The following C9orf85 variants were observed in gnomAD, a reference collection of about 807,000 sequenced individuals.
C9orf85 encodes the protein uncharacterized protein C9orf85.
Under a neutral mutation model 14.9 loss-of-function variants are expected in C9orf85, and 16 were observed. The ratio of observed to expected loss-of-function variants is 1.08; its 90% CI spans 0.73 to 1.63. The LOEUF is 1.63. Among genes scored for constraint, C9orf85 ranks in the 40% most tolerant of loss-of-function variants. The pLI, the probability that C9orf85 is intolerant of heterozygous loss-of-function variation, is 0.00. For missense variants in C9orf85, 172 were observed against 186.1 expected, an observed-to-expected ratio of 0.92 and a Z score of 0.44; for synonymous variants, 45 against 56.8, an observed-to-expected ratio of 0.79 and a Z score of 0.93.
At chr9:71,957,256 A>G (rs1435332399) in intron 2 of C9orf85, among the ~76,000 whole-genome samples, 1 of 152,222 alleles carries the variant, frequency 6.6e-6, no homozygotes, top group Non-Finnish European at 1.5e-5. Context: ...AGGGTATCAG[A>G]CTAAGTGGAA....
intron 2 of C9orf85, among the ~76,000 whole-genome samples, chr9:71,950,364 C>A (rs1487352559): frequency 6.3e-5 from 3 of 47,548 alleles, no homozygotes; most frequent in Admixed American, 3.0e-4. Flanking sequence ...ACTGGATATA[C>A]CTTTTGTCTT....
At chr9:71,969,844 TA>T (rs1428036301) in intron 2 of C9orf85, among the ~76,000 whole-genome samples, 2 of 152,184 alleles carry the variant, frequency 1.3e-5, no homozygotes, top group African/African-American at 4.8e-5. Flanking sequence ...AGAAGTGTTT[TA>T]TTTTCTAAAT....
intron 1 of C9orf85, among the ~76,000 whole-genome samples, chr9:71,935,628 G>T (rs546696001): frequency 7.2e-6 from 1 of 138,592 alleles, no homozygotes; most frequent in Non-Finnish European, 1.6e-5. Context: ...CCTGCCCCCC[G>T]ACCCAAAAAA....
At chr9:71,975,058 A>T (rs888729711), downstream of C9orf85, among the ~76,000 whole-genome samples, 1 of 152,266 alleles carries the variant, frequency 6.6e-6, no homozygotes, top group Non-Finnish European at 1.5e-5. Flanking sequence ...GCAGACATAG[A>T]TAACATTTCA....
chr9:71,932,551 C>A (rs1267684592), intron 1 of C9orf85, among the ~76,000 whole-genome samples: 1 of 152,180 alleles, frequency 6.6e-6, no homozygotes, highest in East Asian at 1.9e-4. Context: ...CTGTACTAAT[C>A]ATTTTCTGTG....
chr9:71,946,321 C>T (rs1386149692), intron 1 of C9orf85, among the ~76,000 whole-genome samples: 1 of 152,182 alleles, frequency 6.6e-6, no homozygotes, highest in African/African-American at 2.4e-5. Flanking sequence ...TTAATTCCAA[C>T]TCACGGGGAG....
downstream of C9orf85, among the ~76,000 whole-genome samples, chr9:71,977,801 C>T (rs954257714): frequency 6.6e-6 from 1 of 152,240 alleles, no homozygotes; most frequent in African/African-American, 2.4e-5. Context: ...TGTTACAGGA[C>T]CACTTTCCAC....
chr9:71,917,010 G>A (rs1235007638), intron 1 of C9orf85, among the ~76,000 whole-genome samples: 1 of 152,138 alleles, frequency 6.6e-6, no homozygotes, highest in African/African-American at 2.4e-5. Context: ...TGGGAAATTA[G>A]GGCTTAGAGG....
chr9:71,916,068 A>G (rs903598920), intron 1 of C9orf85, among the ~76,000 whole-genome samples: 2 of 152,142 alleles, frequency 1.3e-5, no homozygotes, highest in African/African-American at 4.8e-5. Flanking sequence ...TTGGTGGGAG[A>G]AGTGACAGGC....
At chr9:71,974,217 A>G (rs375234233), downstream of C9orf85, among the ~76,000 whole-genome samples, 2 of 148,158 alleles carry the variant, frequency 1.3e-5, no homozygotes, top group East Asian at 2.0e-4. Flanking sequence ...GTGAGCCACC[A>G]TGCCAGGCCA....
intron 1 of C9orf85, 67 bp downstream of exon 1, chr9:71,911,903 G>C: frequency 7.1e-7 from 1 of 1,403,560 alleles, no homozygotes. Flanking sequence ...AGGGGAGAGA[G>C]GAAATGAGAG....
At chr9:71,973,631 AGT>A (rs1477518541), downstream of C9orf85, among the ~76,000 whole-genome samples, 2 of 152,166 alleles carry the variant, frequency 1.3e-5, no homozygotes, top group Non-Finnish European at 2.9e-5. Flanking sequence ...ACACTTTATA[AGT>A]GTATGCATTT....
At chr9:71,982,916 G>C (rs1299806460) in exon 4 of C9orf85, 1 of 236,238 alleles carries the variant, frequency 4.2e-6, no homozygotes, top group Non-Finnish European at 8.4e-6. Context: ...TTACAGGTGT[G>C]AGCCATCATG....
chr9:71,975,951 A>G (rs1822989567), downstream of C9orf85, among the ~76,000 whole-genome samples: 1 of 152,250 alleles, frequency 6.6e-6, no homozygotes, highest in South Asian at 2.1e-4. Context: ...TACTGGACCT[A>G]CCATAAATTC....
intron 2 of C9orf85, among the ~76,000 whole-genome samples, chr9:71,961,073 C>T (rs141559146): frequency 9.9e-5 from 15 of 151,864 alleles, no homozygotes; most frequent in Non-Finnish European, 1.6e-4. Flanking sequence ...CCACCACACC[C>T]GGCTATTTTT....
At chr9:71,943,029 C>T (rs1038171461) in intron 1 of C9orf85, among the ~76,000 whole-genome samples, 13 of 152,188 alleles carry the variant, frequency 8.5e-5, no homozygotes, top group African/African-American at 2.6e-4. Flanking sequence ...GAATAAGGGA[C>T]TCTTTCCAGC....
At chr9:71,946,654 A>G (rs1448014489) in intron 1 of C9orf85, among the ~76,000 whole-genome samples, 2 of 151,960 alleles carry the variant, frequency 1.3e-5, no homozygotes, top group East Asian at 1.9e-4. Context: ...TTAGCTGGGC[A>G]TGGTGGCACG....
chr9:71,921,864 C>T (rs933600951), intron 1 of C9orf85, among the ~76,000 whole-genome samples: 1 of 152,036 alleles, frequency 6.6e-6, no homozygotes, highest in African/African-American at 2.4e-5. Flanking sequence ...TGGAAAGATA[C>T]TGAGCTACTC....
At chr9:71,984,789 T>C (rs1204378552), downstream of C9orf85, 1 of 152,200 alleles carries the variant, frequency 6.6e-6, no homozygotes, top group East Asian at 1.9e-4. Context: ...TTAGGAGTCA[T>C]GGGAAAATAC....
Sources: gnomAD v4.1 joint callset for allele counts (sites outside exome capture counted in the v4.1 genomes callset) on GRCh38, gnomAD v4.1.1 for gene constraint, MANE v1.5 for transcripts, NCBI Gene and HGNC (gene_info 2026-07-23, HGNC 2026-07-21) for gene names.